Variants in VTI1B observed in about 807,000 individuals in gnomAD.
VTI1B encodes vesicle transport through interaction with t-SNAREs homolog 1B.
In VTI1B, 18 loss-of-function variants were observed where a neutral mutation model predicts 28.6. That is an observed-to-expected ratio of 0.63 (90% CI 0.43 to 0.93). The LOEUF (loss-of-function observed/expected upper bound fraction) is 0.93. VTI1B is among the 40% of genes least tolerant of loss of function. The pLI is 0.00. For missense variants in VTI1B, 283 were observed against 297.0 expected (o/e 0.95, Z 0.35); for synonymous variants, 100 against 107.9 (o/e 0.93, Z 0.46).
Position 67,674,600 on chromosome 14 carries a change from C to T in VTI1B, c.-111G>A. On this transcript the variant is annotated 5_prime_UTR_variant, in exon 1 of 6. In the 5' UTR this introduces an upstream ATG that the reference lacks. Coordinates refer to ENST00000554659, the MANE Select transcript of VTI1B (RefSeq NM_006370.3). ...GGCCATAACGGCGACCGCCGCACCA[C>T]CGCCGCCCAGGACGAGGCTCTTCCG... 2 of 842,876 alleles carry T rather than the reference C, an allele frequency of 2.4e-6. No individual in the cohort carries two copies. The highest frequency in any genetic ancestry group is 3.2e-5 in the East Asian group (1 of 31,094). The allele number at this position is 842,876 out of a possible 1,614,324, so 52.2% of individuals were successfully genotyped here.
chr14:67,656,549 G>C lies in VTI1B; in HGVS notation c.407C>G (p.Thr136Ser). The C allele has an allele frequency of 6.2e-7, 1 of 1,613,852 alleles. No homozygotes were observed. Among genetic ancestry groups the C allele is most frequent in the South Asian group, 1.1e-5 (1 of 91,030 alleles). ...TTGGGTGGCCCGGTTCAGGCTTTCA[G>C]TGCCCTGCAGAAGCATTGCCCTTTG... is the stretch of plus-strand genomic sequence containing the variant. ...QSQRAMLLQG[T>S]ESLNRATQSI... Residue 136 changes from threonine to serine, a missense_variant, in exon 4 of 6, where the codon ACT becomes AGT. Physicochemically the swap from Thr to Ser is moderately conservative, Grantham distance 58. Coordinates refer to ENST00000554659, the MANE Select transcript of VTI1B (RefSeq NM_006370.3).
intron 1 of VTI1B, among the ~76,000 whole-genome samples, chr14:67,670,052 G>A (rs1225407147): frequency 6.6e-6 from 1 of 152,208 alleles, no homozygotes; most frequent in Non-Finnish European, 1.5e-5. Flanking sequence ...CAGTGATGGT[G>A]CCACTGCACT....
At position 67,648,142 on chromosome 14, in the gene VTI1B, A is replaced by G; in HGVS notation, c.*3243T>C. 1 of 1,614,050 alleles carries G rather than the reference A, an allele frequency of 6.2e-7. No individual in the cohort carries two copies. The highest frequency in any genetic ancestry group is 1.1e-5 in the South Asian group (1 of 91,080). On this transcript the variant is annotated 3_prime_UTR_variant, in exon 6 of 6. Transcript: ENST00000554659. Reference sequence around the variant, plus strand: ...ACTCCTGTTGTCGGGGGACTAACCTATCGAGAAGGCATGTATATTGCTGAG... The same window carrying G: ...ACTCCTGTTGTCGGGGGACTAACCTGTCGAGAAGGCATGTATATTGCTGAG...
chr14:67,650,966 A>C lies in VTI1B; in HGVS notation c.*419T>G. The C allele has an allele frequency of 1.3e-6, 2 of 1,572,922 alleles. No homozygotes were observed. Among genetic ancestry groups the C allele is most frequent in the Non-Finnish European group, 1.7e-6 (2 of 1,147,176 alleles). ...GTTTCACAACAGGCATTCCAGAATTATGAGGCATTGAGGGGATAGATGAAT... is the reference window on the plus strand; with the variant it reads ...GTTTCACAACAGGCATTCCAGAATTCTGAGGCATTGAGGGGATAGATGAAT... On this transcript the variant is annotated 3_prime_UTR_variant, in exon 6 of 6. Coordinates refer to ENST00000554659, the MANE Select transcript of VTI1B (RefSeq NM_006370.3).
At chr14:67,672,445 T>C (rs1566819624) in intron 1 of VTI1B, among the ~76,000 whole-genome samples, 1 of 99,414 alleles carries the variant, frequency 1.0e-5, no homozygotes, top group African/African-American at 2.9e-5. Context: ...TTCTTTTCTT[T>C]TCTTTTTTTT....
rs956457836 is a variant in VTI1B at position 67,648,418 on chromosome 14, A to G, written c.*2967T>C. ...AAGGTAATAATGAGTAAAAAATTGT[A>G]TATTTAAACAATTAAATACAAGAAT... On this transcript the variant is annotated 3_prime_UTR_variant, in exon 6 of 6. Coordinates refer to ENST00000554659, the MANE Select transcript of VTI1B (RefSeq NM_006370.3). The G allele has an allele frequency of 1.4e-5, 5 of 365,538 alleles. No individual in the cohort carries two copies. Among genetic ancestry groups the G allele is most frequent in the Non-Finnish European group, 2.0e-5 (4 of 205,044 alleles). 22.6% of individuals were successfully genotyped at this position (365,538 alleles called of 1,614,324 possible). A position where few individuals can be genotyped will look rare whatever the true frequency, so the allele number is the denominator to read the frequency against.
chr14:67,671,398 C>T (rs1464417176), intron 1 of VTI1B, among the ~76,000 whole-genome samples: 16 of 151,902 alleles, frequency 1.1e-4, no homozygotes. Flanking sequence ...TGGTAGCATG[C>T]GCCTGTAATC....
At chr14:67,673,900 G>A (rs2140040889) in intron 1 of VTI1B, among the ~76,000 whole-genome samples, 1 of 152,196 alleles carries the variant, frequency 6.6e-6, no homozygotes, top group Non-Finnish European at 1.5e-5. Context: ...GGTTTTAAAG[G>A]CCAGCTCTCT....
In VTI1B at chr14:67,655,518, TC is replaced by T. The variant is rs904214527; in HGVS notation, c.540+897del. The stretch of plus-strand genomic sequence containing the variant: ...ACTGGATAATCCTTAGACATTTTTT[TC>T]CCTATTACTTTTTTTTTTTTACTTT... On this transcript the variant is annotated intron_variant, in intron 4 of 5. Transcript: ENST00000554659. Among the ~76,000 whole-genome samples the T allele has an allele frequency of 1.3e-3, 193 of 151,998 alleles. 2 individuals are homozygous for T. Among genetic ancestry groups the T allele is most frequent in the African/African-American group, 4.6e-3 (191 of 41,300 alleles).
chr14:67,663,989 T>C (rs1163271018), intron 1 of VTI1B, among the ~76,000 whole-genome samples: 2 of 152,194 alleles, frequency 1.3e-5, no homozygotes, highest in African/African-American at 4.8e-5. Context: ...TAAGAGGAGC[T>C]TGATTTTTTA....
chr14:67,671,201 A>G (rs561778209), intron 1 of VTI1B, among the ~76,000 whole-genome samples: 1 of 152,220 alleles, frequency 6.6e-6, no homozygotes, highest in Non-Finnish European at 1.5e-5. Context: ...TTACTTATCC[A>G]TTAAACAACT....
intron 4 of VTI1B, among the ~76,000 whole-genome samples, chr14:67,655,246 G>A (rs2037240373): frequency 6.6e-6 from 1 of 151,926 alleles, no homozygotes; most frequent in Non-Finnish European, 1.5e-5. Context: ...AGGATCACTT[G>A]AGCCCAGGAG....
At chr14:67,671,268 G>A (rs911355562) in intron 1 of VTI1B, among the ~76,000 whole-genome samples, 1 of 152,180 alleles carries the variant, frequency 6.6e-6, no homozygotes, top group Admixed American at 6.5e-5. Context: ...GCTCACACCT[G>A]TAATCCTAGC....
At chr14:67,666,621 C>A (rs1407777213) in intron 1 of VTI1B, among the ~76,000 whole-genome samples, 2 of 152,302 alleles carry the variant, frequency 1.3e-5, no homozygotes, top group East Asian at 1.9e-4. Context: ...TTTAAAAATT[C>A]TTTAGGCTCA....
chr14:67,662,479 T>C lies in VTI1B; in HGVS notation c.172A>G (p.Thr58Ala), dbSNP rs1290532538. The C allele has an allele frequency of 1.2e-6, 2 of 1,612,476 alleles. No homozygotes were observed. Among genetic ancestry groups the C allele is most frequent in the Admixed American group, 3.4e-5 (2 of 59,416 alleles). ...CAAAATTTGTTCCTTGTTCTCACCGTTTCATTTGCTTCCTGTTGCTTTTCA... is the reference window on the plus strand; with the variant it reads ...CAAAATTTGTTCCTTGTTCTCACCGCTTCATTTGCTTCCTGTTGCTTTTCA... ...FDEKQQEANE[T>A]LAEMEEELRY... The change falls in exon 2 of 6, where the codon ACG becomes GCG. Residue 58 changes from threonine (T) to alanine (A), a missense_variant and splice_region_variant. Thr to Ala is a moderately conservative substitution (Grantham distance 58, BLOSUM62 0). Coordinates refer to ENST00000554659, the MANE Select transcript of VTI1B (RefSeq NM_006370.3).
intron 1 of VTI1B, among the ~76,000 whole-genome samples, chr14:67,673,607 C>T (rs988626225): frequency 6.6e-6 from 1 of 152,226 alleles, no homozygotes; most frequent in African/African-American, 2.4e-5. Context: ...GAATTTCATT[C>T]TCACCAGTCA....
At position 67,653,427 on chromosome 14, in the gene VTI1B, T is replaced by C; in HGVS notation, c.602+10A>G. On this transcript the variant is annotated intron_variant, in intron 5 of 5. Transcript: ENST00000554659. ...GTTAAGAGAAATTTCATGACTTTAA[T>C]AAAACTTACTTTCTGGACATTGAAC... The C allele has an allele frequency of 6.2e-7, 1 of 1,613,168 alleles. No individual in the cohort carries two copies. The highest frequency in any genetic ancestry group is 8.5e-7 in the Non-Finnish European group (1 of 1,179,382).
At chr14:67,653,345 G>T in intron 5 of VTI1B, 92 bp downstream of exon 5, 2 of 1,091,106 alleles carry the variant, frequency 1.8e-6, no homozygotes, top group Non-Finnish European at 2.8e-6. Context: ...CTGCTGAGGT[G>T]CTTTATGAGG....
chr14:67,659,932 C>A lies in VTI1B; in HGVS notation c.175-10G>T. On this transcript the variant is annotated splice_polypyrimidine_tract_variant and intron_variant, in intron 2 of 5. Coordinates refer to ENST00000554659, the MANE Select transcript of VTI1B (RefSeq NM_006370.3). ...CCTCCATCTCTGCCAGCTGGGAAGG[C>A]AGAAAGTAGTGAGCAGATAGCCTGG... 6.2e-7 allele frequency: 1 copy of A among 1,610,866 alleles called. No individual in the cohort carries two copies. Among genetic ancestry groups the A allele is most frequent in the Non-Finnish European group, 8.5e-7 (1 of 1,178,076 alleles).
Sources: allele counts gnomAD v4.1 joint callset (sites outside exome capture counted in the v4.1 genomes callset), GRCh38; gene constraint gnomAD v4.1.1; transcripts MANE v1.5; gene names NCBI Gene and HGNC (gene_info 2026-07-23, HGNC 2026-07-21).